The following IMMP2L variants were observed in gnomAD, a reference collection of about 807,000 sequenced individuals.
IMMP2L encodes the protein mitochondrial inner membrane protease subunit 2.
A neutral mutation model predicts 19.3 loss-of-function variants in IMMP2L; 18 were observed. That is an observed-to-expected ratio of 0.93 (90% CI 0.64 to 1.38). IMMP2L has a LOEUF of 1.38. Among genes scored for constraint, IMMP2L ranks in the 40% most tolerant of loss-of-function variants. The pLI is 0.00. For missense variants in IMMP2L, 233 were observed against 218.2 expected (o/e 1.07, Z -0.43); for synonymous variants, 76 against 73.0 (o/e 1.04, Z -0.21).
At chr7:110,930,633 A>G (rs1815366531) in intron 4 of IMMP2L, among the ~76,000 whole-genome samples, 1 of 152,228 alleles carries the variant, frequency 6.6e-6, no homozygotes. Flanking sequence ...CATAAAACCC[A>G]AACTACTTAA....
chr7:111,079,182 A>G (rs1795672370), intron 3 of IMMP2L, among the ~76,000 whole-genome samples: 3 of 145,182 alleles, frequency 2.1e-5, no homozygotes, highest in Admixed American at 6.9e-5. Flanking sequence ...CAGTGGCGGG[A>G]TCTCGGCTCA....
At chr7:111,209,554 G>T (rs1811096544) in intron 3 of IMMP2L, among the ~76,000 whole-genome samples, 2 of 152,050 alleles carry the variant, frequency 1.3e-5, no homozygotes, top group South Asian at 4.2e-4. Flanking sequence ...CAAACATTTA[G>T]CTATATTCAA....
Position 111,301,917 on chromosome 7 carries a change from G to A in IMMP2L, c.239+185321C>T, listed in dbSNP as rs190303222. On this transcript the variant is annotated intron_variant, in intron 3 of 5. Transcript: ENST00000405709. ...GTAAATTACGCCATGTCAGTTTCAT[G>A]CTTTAAAAAAAAAAAAAAAAAAAAA... 8.1e-5 allele frequency among the ~76,000 whole-genome samples: 7 copies of A among 86,770 alleles called. No individual in the cohort carries two copies. The Admixed American group carries it at 8.7e-4, about 11-fold the overall frequency. The allele number at this position is 86,770 out of a possible 152,430, so 56.9% of individuals were successfully genotyped here.
intron 3 of IMMP2L, among the ~76,000 whole-genome samples, chr7:111,274,245 A>C (rs1160300971): frequency 6.6e-6 from 1 of 152,216 alleles, no homozygotes; most frequent in Admixed American, 6.6e-5. Context: ...CACCTTTTCA[A>C]AATGGGAAGT....
intron 5 of IMMP2L, among the ~76,000 whole-genome samples, chr7:110,881,679 A>G (rs2129544966): frequency 6.6e-6 from 1 of 152,326 alleles, no homozygotes; most frequent in Non-Finnish European, 1.5e-5. Flanking sequence ...GCTCTAGAGA[A>G]GTTACACAAG....
At chr7:111,019,511 C>A (rs780899356) in intron 3 of IMMP2L, among the ~76,000 whole-genome samples, 1 of 152,084 alleles carries the variant, frequency 6.6e-6, no homozygotes, top group Non-Finnish European at 1.5e-5. Flanking sequence ...GGGAGGCAGC[C>A]AGTAAGGGGG....
chr7:111,557,465 G>A (rs1181055611), intron 1 of IMMP2L, among the ~76,000 whole-genome samples: 1 of 152,110 alleles, frequency 6.6e-6, no homozygotes, highest in African/African-American at 2.4e-5. Context: ...TATACACTAT[G>A]TTCTCGTAAT....
intron 5 of IMMP2L, among the ~76,000 whole-genome samples, chr7:110,735,363 C>T (rs1260109899): frequency 6.6e-6 from 1 of 152,064 alleles, no homozygotes; most frequent in African/African-American, 2.4e-5. Context: ...CTCTTTCTTT[C>T]ACCAATTAAA....
Position 110,908,208 on chromosome 7 carries a change from C to G in IMMP2L, c.306-21513G>C, listed in dbSNP as rs188701196. Among the ~76,000 whole-genome samples the G allele has an allele frequency of 3.3e-5, 5 of 152,166 alleles. No individual in the cohort carries two copies. The East Asian group carries it at 7.7e-4, about 24-fold the overall frequency. ...TCTCTGCATCCAGCAACCTCAGTGT[C>G]CAGAAAAAAACTGACCCCTTTTTTA... On this transcript the variant is annotated intron_variant, in intron 4 of 5. Transcript: ENST00000405709.
chr7:110,721,114 T>A (rs1238156939), intron 5 of IMMP2L, among the ~76,000 whole-genome samples: 1 of 151,308 alleles, frequency 6.6e-6, no homozygotes, highest in East Asian at 2.0e-4. Flanking sequence ...CCTACACCCA[T>A]CCTACATCTA....
intron 3 of IMMP2L, among the ~76,000 whole-genome samples, chr7:111,373,506 T>G (rs1019218369): frequency 3.3e-5 from 5 of 152,076 alleles, no homozygotes; most frequent in African/African-American, 1.2e-4. Context: ...TCCTCTTTCT[T>G]GGTCCTTTCA....
At chr7:110,961,453 A>G (rs751082692) in intron 4 of IMMP2L, among the ~76,000 whole-genome samples, 6 of 150,238 alleles carry the variant, frequency 4.0e-5, no homozygotes, top group Non-Finnish European at 5.9e-5. Flanking sequence ...TTTTCAGTAC[A>G]GACACAACTA....
chr7:111,227,230 C>A (rs1037286651), intron 3 of IMMP2L, among the ~76,000 whole-genome samples: 1 of 151,982 alleles, frequency 6.6e-6, no homozygotes, highest in Non-Finnish European at 1.5e-5. Context: ...CCATTTACAC[C>A]CACACACATT....
At chr7:111,163,822 G>T (rs1805528002) in intron 3 of IMMP2L, among the ~76,000 whole-genome samples, 1 of 152,010 alleles carries the variant, frequency 6.6e-6, no homozygotes, top group Admixed American at 6.6e-5. Flanking sequence ...TATTGAGAAT[G>T]TCTTTGTTCT....
intron 5 of IMMP2L, among the ~76,000 whole-genome samples, chr7:110,754,708 C>G (rs1797933758): frequency 6.6e-6 from 1 of 151,912 alleles, no homozygotes; most frequent in African/African-American, 2.4e-5. Flanking sequence ...AACTAATATA[C>G]AAAAGCAAAT....
At chr7:111,484,225 CTG>C (rs201461136) in intron 3 of IMMP2L, among the ~76,000 whole-genome samples, 1,614 of 152,188 alleles carry the variant, frequency 0.011, 34 homozygotes, top group African/African-American at 0.036. Context: ...GTCTTTTAAA[CTG>C]TGTTAGTATT....
intron 4 of IMMP2L, among the ~76,000 whole-genome samples, chr7:110,937,068 G>C (rs1015595590): frequency 6.6e-6 from 1 of 152,156 alleles, no homozygotes; most frequent in Non-Finnish European, 1.5e-5. Flanking sequence ...TTGAGGGCTA[G>C]CGGGGGTTAG....
chr7:111,549,389 C>G (rs1585644834), intron 1 of IMMP2L, among the ~76,000 whole-genome samples: 1 of 152,120 alleles, frequency 6.6e-6, no homozygotes, highest in East Asian at 1.9e-4. Flanking sequence ...GTGACTTGTT[C>G]ATGTTCACAT....
chr7:110,778,091 A>T (rs2131062955), intron 5 of IMMP2L, among the ~76,000 whole-genome samples: 1 of 152,126 alleles, frequency 6.6e-6, no homozygotes, highest in African/African-American at 2.4e-5. Flanking sequence ...TAGAGCCACC[A>T]AATGAAGGCA....
Sources: gnomAD v4.1 joint callset for allele counts (sites outside exome capture counted in the v4.1 genomes callset) on GRCh38, gnomAD v4.1.1 for gene constraint, MANE v1.5 for transcripts, NCBI Gene and HGNC (gene_info 2026-07-23, HGNC 2026-07-21) for gene names.